PDXDC1: variants seen among roughly 807,000 people sequenced by gnomAD.
PDXDC1 encodes pyridoxal dependent decarboxylase domain containing 1.
Under a neutral mutation model 100.1 loss-of-function variants are expected in PDXDC1, and 42 were observed. The ratio of observed to expected loss-of-function variants is 0.42; its 90% CI spans 0.33 to 0.54. The LOEUF (loss-of-function observed/expected upper bound fraction) is 0.54. Ranked by LOEUF, PDXDC1 falls within the 20% of genes least tolerant of loss-of-function variation. The pLI is 0.10. For missense variants in PDXDC1, 636 were observed against 979.2 expected, an observed-to-expected ratio of 0.65 and a Z score of 4.68; for synonymous variants, 260 against 371.7, an observed-to-expected ratio of 0.70 and a Z score of 3.46.
chr16:15,073,202 C>G, intron 16 of PDXDC1: 1 of 1,124,804 alleles, frequency 8.9e-7, no homozygotes, highest in Non-Finnish European at 1.3e-6. Context: ...ACAGTGGCTC[C>G]TGCCTGCAAT....
Position 15,104,626 on chromosome 16 carries a change from T to C in PDXDC1, c.1400-34253T>C, listed in dbSNP as rs763734622. ...GCAGGTGTCTTGAGGCTCAGGGAGTTATCAGTTATAGAATGTTGTTGAGTT... is the reference window on the plus strand; with the variant it reads ...GCAGGTGTCTTGAGGCTCAGGGAGTCATCAGTTATAGAATGTTGTTGAGTT... On this transcript the variant is annotated intron_variant, in intron 16 of 16. Transcript: ENST00000535621. 10 of 1,598,372 alleles carry C rather than the reference T, an allele frequency of 6.3e-6. No individual in the cohort carries two copies. In the South Asian group the frequency reaches 1.1e-4, roughly 18 times the overall value.
chr16:15,145,357 C>T, the PDXDC1 span, among the ~76,000 whole-genome samples: 109 of 152,350 alleles, frequency 7.2e-4, 2 homozygotes, highest in Admixed American at 7.0e-3. Flanking sequence ...GCACAGTGGA[C>T]GGGCTCACAA....
intron 16 of PDXDC1, among the ~76,000 whole-genome samples, chr16:15,031,196 A>G (rs994434154): frequency 1.6e-4 from 22 of 136,094 alleles, no homozygotes; most frequent in Non-Finnish European, 1.8e-4. Context: ...GCCTTAAGTG[A>G]TCCTCCTGGC....
At chr16:15,088,608 C>A (rs547259192) in intron 16 of PDXDC1, among the ~76,000 whole-genome samples, 3 of 151,976 alleles carry the variant, frequency 2.0e-5, no homozygotes, top group African/African-American at 7.2e-5. Flanking sequence ...GGAAAGAAGG[C>A]AGGGGTCAGG....
At chr16:15,080,940 G>T (rs554582850) in intron 16 of PDXDC1, among the ~76,000 whole-genome samples, 11 of 151,698 alleles carry the variant, frequency 7.3e-5, no homozygotes, top group African/African-American at 2.7e-4. Flanking sequence ...ACAGTTTGTG[G>T]CATGTTTTTA....
intron 16 of PDXDC1, among the ~76,000 whole-genome samples, chr16:15,075,250 C>CAAAAA (rs56913254): frequency 1.5e-5 from 1 of 68,048 alleles, no homozygotes. Context: ...TGTGCCCCAC[C>CAAAAA]AAAAAAAAAA....
chr16:15,128,181 G>C (rs542529380), intron 16 of PDXDC1: 2 of 1,610,370 alleles, frequency 1.2e-6, no homozygotes, highest in Non-Finnish European at 1.7e-6. Flanking sequence ...GCGCCCCAAC[G>C]CGGGGGCAGA....
At chr16:15,029,145 G>A (rs571981656) in intron 15 of PDXDC1, 179 bp downstream of exon 15, 294 of 717,756 alleles carry the variant, frequency 4.1e-4, no homozygotes, top group South Asian at 2.8e-3. Context: ...CACGAGCTGG[G>A]TCACCTCTGG....
chr16:15,134,141 G>A, intron 16 of PDXDC1: 3 of 1,262,596 alleles, frequency 2.4e-6, no homozygotes, highest in Non-Finnish European at 3.4e-6. Context: ...CTGCCTGCAG[G>A]CCCCGTCCCC....
chr16:15,033,410 C>G lies in PDXDC1; in HGVS notation c.1812+11C>G. ...GAGGAGAACTCGAGGGTCCGTAGCA[C>G]CCATCAGTGTTCATTCCTCTTCTGA... On this transcript the variant is annotated intron_variant, in intron 19 of 22. Coordinates refer to ENST00000396410, the MANE Select transcript of PDXDC1 (RefSeq NM_015027.4). 6.2e-7 allele frequency: 1 copy of G among 1,613,564 alleles called. No homozygotes were observed. Among genetic ancestry groups the G allele is most frequent in the Non-Finnish European group, 8.5e-7 (1 of 1,179,562 alleles).
chr16:15,085,009 C>T (rs182136177), intron 16 of PDXDC1, among the ~76,000 whole-genome samples: 4 of 151,656 alleles, frequency 2.6e-5, no homozygotes, highest in African/African-American at 7.3e-5. Context: ...AAGGCTGCAG[C>T]GAACCGAGAT....
chr16:15,087,896 C>A (rs2045970993), intron 16 of PDXDC1, among the ~76,000 whole-genome samples: 1 of 152,012 alleles, frequency 6.6e-6, no homozygotes, highest in Admixed American at 6.6e-5. Context: ...GGGTGGATCA[C>A]CTGAGGTTGG....
intron 16 of PDXDC1, chr16:15,130,030 CA>C: frequency 8.9e-7 from 1 of 1,119,112 alleles, no homozygotes; most frequent in Non-Finnish European, 1.3e-6. Context: ...TCACCAGGCA[CA>C]CAGCACATGT....
intron 16 of PDXDC1, chr16:15,074,955 G>A (rs1344035799): frequency 7.8e-6 from 10 of 1,285,494 alleles, no homozygotes; most frequent in African/African-American, 1.5e-5. Flanking sequence ...TCCCTTAAAA[G>A]ATAAAACAAA....
At chr16:14,993,626 G>T (rs1377606010) in intron 1 of PDXDC1, among the ~76,000 whole-genome samples, 1 of 152,278 alleles carries the variant, frequency 6.6e-6, no homozygotes, top group Non-Finnish European at 1.5e-5. Flanking sequence ...TCTTTATAGC[G>T]GCATGATTTA....
At chr16:15,065,462 C>G in intron 16 of PDXDC1, 1 of 1,091,940 alleles carries the variant, frequency 9.2e-7, no homozygotes, top group Non-Finnish European at 1.3e-6. Flanking sequence ...CTGTACCTAC[C>G]ACAGAGAAAT....
downstream of PDXDC1, chr16:15,038,730 C>T (rs1159318969): frequency 2.7e-6 from 3 of 1,127,508 alleles, no homozygotes; most frequent in African/African-American, 3.1e-5. Context: ...GGAATGTCAC[C>T]CACTTTTCAA....
intron 16 of PDXDC1, chr16:15,135,652 T>C (rs1438115018): frequency 4.4e-6 from 7 of 1,592,088 alleles, no homozygotes; most frequent in Non-Finnish European, 6.0e-6. Flanking sequence ...CACTGACCTG[T>C]GTCGAAGCCA....
intron 8 of PDXDC1, among the ~76,000 whole-genome samples, chr16:15,015,418 G>T (rs1323439182): frequency 9.2e-5 from 14 of 152,318 alleles, no homozygotes; most frequent in African/African-American, 3.4e-4. Flanking sequence ...TCTCCTAAAA[G>T]AAATAACAGT....
Sources: gnomAD v4.1 joint callset for allele counts (sites outside exome capture counted in the v4.1 genomes callset) on GRCh38, gnomAD v4.1.1 for gene constraint, MANE v1.5 for transcripts, NCBI Gene and HGNC (gene_info 2026-07-23, HGNC 2026-07-21) for gene names.